Variants in ADAMTS6 observed in about 807,000 individuals in gnomAD.
The protein encoded by ADAMTS6 is A disintegrin and metalloproteinase with thrombospondin motifs 6.
ADAMTS6 carries 23 observed loss-of-function variants against 144.3 expected under a neutral mutation model. The ratio of observed to expected loss-of-function variants is 0.16; its 90% CI spans 0.11 to 0.23. The LOEUF is 0.23. Among genes scored for constraint, ADAMTS6 ranks in the 10% least tolerant of loss-of-function variants. The pLI, the probability that ADAMTS6 is intolerant of heterozygous loss-of-function variation, is 1.00. For missense variants in ADAMTS6, 999 were observed against 1,379.6 expected, an observed-to-expected ratio of 0.72 and a Z score of 4.37; for synonymous variants, 444 against 457.5, an observed-to-expected ratio of 0.97 and a Z score of 0.38.
intron 9 of ADAMTS6, among the ~76,000 whole-genome samples, chr5:65,312,948 T>C (rs996244774): frequency 6.6e-6 from 1 of 151,958 alleles, no homozygotes; most frequent in Non-Finnish European, 1.5e-5. Context: ...TTTAGTACTA[T>C]GAGAAAAATG....
intron 3 of ADAMTS6, among the ~76,000 whole-genome samples, chr5:65,465,259 T>C (rs1272872404): frequency 6.6e-6 from 1 of 152,172 alleles, no homozygotes; most frequent in South Asian, 2.1e-4. Flanking sequence ...CGATAGACAT[T>C]GCAAAACCTC....
intron 7 of ADAMTS6, among the ~76,000 whole-genome samples, chr5:65,409,075 T>A (rs1754823416): frequency 6.6e-6 from 1 of 151,936 alleles, no homozygotes; most frequent in Admixed American, 6.6e-5. Context: ...CACCCTAACA[T>A]CACGATTAAA....
chr5:65,348,290 G>C (rs1349973427), intron 7 of ADAMTS6, among the ~76,000 whole-genome samples: 1 of 152,074 alleles, frequency 6.6e-6, no homozygotes, highest in African/African-American at 2.4e-5. Context: ...TAATGAAAAT[G>C]TGTTAATATA....
intron 7 of ADAMTS6, among the ~76,000 whole-genome samples, chr5:65,416,731 C>T (rs1463068497): frequency 8.0e-6 from 1 of 125,374 alleles, no homozygotes; most frequent in Non-Finnish European, 1.6e-5. Flanking sequence ...GCCTGGGCAA[C>T]AGAGCAAGAC....
intron 24 of ADAMTS6, among the ~76,000 whole-genome samples, chr5:65,161,036 T>C (rs971217927): frequency 6.6e-6 from 1 of 151,668 alleles, no homozygotes; most frequent in African/African-American, 2.4e-5. Context: ...CTCTCTCTCT[T>C]TTTATTTATT....
rs545018511 is a variant in ADAMTS6, at chr5:65,334,130, T to A, written c.1074-45A>T. 3.4e-6 allele frequency: 5 copies of A among 1,491,238 alleles called. No homozygotes were observed. In the Admixed American group the frequency reaches 7.8e-5, roughly 23 times the overall value. The allele number at this position is 1,491,238 out of a possible 1,614,324, so 92.4% of individuals were successfully genotyped here. A position where few individuals can be genotyped will look rare whatever the true frequency, so the allele number is the denominator to read the frequency against. ...GAAATTTGTAATCTGATCAGATTTGTAACATATTTTTCTATATTCATCATA... is the reference window on the plus strand; with the variant it reads ...GAAATTTGTAATCTGATCAGATTTGAAACATATTTTTCTATATTCATCATA... On this transcript the variant is annotated intron_variant, in intron 7 of 24. Transcript: ENST00000381055.
intron 7 of ADAMTS6, among the ~76,000 whole-genome samples, chr5:65,400,418 G>T (rs1580608711): frequency 1.3e-5 from 2 of 152,060 alleles, no homozygotes; most frequent in Admixed American, 1.3e-4. Context: ...GTGTTGCTTT[G>T]TTGCCCAGGC....
At chr5:65,469,780 G>A (rs567967885) in intron 3 of ADAMTS6, among the ~76,000 whole-genome samples, 8 of 152,166 alleles carry the variant, frequency 5.3e-5, no homozygotes, top group African/African-American at 1.9e-4. Flanking sequence ...AACCCAACTC[G>A]AATTATAGTT....
At chr5:65,256,176 T>G (rs1037418621) in intron 14 of ADAMTS6, among the ~76,000 whole-genome samples, 1 of 152,240 alleles carries the variant, frequency 6.6e-6, no homozygotes. Flanking sequence ...AAATTAAAAC[T>G]AATTAAACTT....
chr5:65,397,876 TAAAAAAAA>T (rs34170790), intron 7 of ADAMTS6, among the ~76,000 whole-genome samples: 11 of 121,700 alleles, frequency 9.0e-5, no homozygotes, highest in Non-Finnish European at 1.7e-4. Flanking sequence ...GACCCTGTCT[TAAAAAAAA>T]AAAAAAAAAA....
chr5:65,172,521 C>T (rs1421616568), intron 23 of ADAMTS6, among the ~76,000 whole-genome samples: 1 of 151,986 alleles, frequency 6.6e-6, no homozygotes, highest in African/African-American at 2.4e-5. Flanking sequence ...GACTAGAATC[C>T]AAAGTTTTGG....
intron 24 of ADAMTS6, among the ~76,000 whole-genome samples, chr5:65,161,121 C>T (rs1752745995): frequency 6.6e-6 from 1 of 151,906 alleles, no homozygotes; most frequent in African/African-American, 2.4e-5. Flanking sequence ...TCACTGCAAC[C>T]TCGACCTCCC....
At chr5:65,153,824 CA>C (rs1752260081) in intron 24 of ADAMTS6, among the ~76,000 whole-genome samples, 1 of 152,098 alleles carries the variant, frequency 6.6e-6, no homozygotes, top group Non-Finnish European at 1.5e-5. Flanking sequence ...GTAAATTCAC[CA>C]GTTTAAATTA....
Position 65,170,755 on chromosome 5 carries a change from G to A in ADAMTS6, c.3106C>T (p.Leu1036Phe). 2 of 1,613,938 alleles carry A rather than the reference G, an allele frequency of 1.2e-6. No individual in the cohort carries two copies. Among genetic ancestry groups the A allele is most frequent in the Non-Finnish European group, 1.7e-6 (2 of 1,179,956 alleles). Reference protein sequence around the residue: ...DWGQCSAQCGLGQQMRTVQCL... With the variant: ...DWGQCSAQCGFGQQMRTVQCL... ...TGCACAGTTCTCATCTGCTGTCCAA[G>A]GCCACACTGAGCAGAACACTAAATC... is the stretch of plus-strand genomic sequence containing the variant. Residue 1036 changes from leucine (L) to phenylalanine (F), a missense_variant, in exon 24 of 25, where the codon CTT becomes TTT. Transcript: ENST00000381055.
intron 3 of ADAMTS6, among the ~76,000 whole-genome samples, chr5:65,468,314 T>A (rs12520806): frequency 6.6e-5 from 10 of 151,834 alleles, no homozygotes; most frequent in South Asian, 4.2e-4. Context: ...TAGAATTTTT[T>A]AAAAAACACT....
At chr5:65,206,611 A>G (rs181865176) in intron 20 of ADAMTS6, among the ~76,000 whole-genome samples, 68 of 150,642 alleles carry the variant, frequency 4.5e-4, no homozygotes, top group African/African-American at 1.6e-3. Flanking sequence ...GAGGCAGGGG[A>G]ATTGCTTGAA....
intron 7 of ADAMTS6, among the ~76,000 whole-genome samples, chr5:65,355,866 G>A (rs16893724): frequency 0.019 from 2,939 of 151,834 alleles, 93 homozygotes; most frequent in African/African-American, 0.067. Context: ...GATTATTTCA[G>A]AAAATATGTT....
chr5:65,284,465 A>C (rs1219366768), intron 11 of ADAMTS6, among the ~76,000 whole-genome samples: 1 of 152,154 alleles, frequency 6.6e-6, no homozygotes, highest in East Asian at 1.9e-4. Flanking sequence ...GGTTTGTTTC[A>C]GTGAGAAAAT....
At chr5:65,170,158 G>A (rs961663275) in intron 24 of ADAMTS6, among the ~76,000 whole-genome samples, 16 of 152,092 alleles carry the variant, frequency 1.1e-4, no homozygotes, top group African/African-American at 3.9e-4. Context: ...AAGAAAATTA[G>A]CATTTAAAAT....
Sources: allele counts gnomAD v4.1 joint callset (sites outside exome capture counted in the v4.1 genomes callset), GRCh38; gene constraint gnomAD v4.1.1; transcripts MANE v1.5; gene names NCBI Gene and HGNC (gene_info 2026-07-23, HGNC 2026-07-21).